Variants in STOX2 observed in about 807,000 individuals in gnomAD.
The protein encoded by STOX2 is storkhead-box protein 2.
STOX2 carries 28 observed loss-of-function variants against 60.9 expected under a neutral mutation model. The observed-to-expected ratio is 0.46, with a 90% confidence interval of 0.34 to 0.63. STOX2 has a LOEUF of 0.63. Ranked by LOEUF, STOX2 falls within the 30% of genes least tolerant of loss-of-function variation. The pLI is 0.01. For missense variants in STOX2, 1,024 were observed against 1,187.7 expected (o/e 0.86, Z 2.03); for synonymous variants, 472 against 463.9 (o/e 1.02, Z -0.22).
chr4:183,895,456 A>G lies in STOX2; in HGVS notation c.364+97401A>G, dbSNP rs1375200035. The stretch of plus-strand genomic sequence containing the variant: ...ATTGAGGGCCTATTTTTTGAAAGGC[A>G]CTAGGCATAAAATGATTATAAAGTG... On this transcript the variant is annotated intron_variant, in intron 1 of 2. Transcript: ENST00000513034. Among the ~76,000 whole-genome samples, 3 of 152,178 alleles carry G rather than the reference A, an allele frequency of 2.0e-5. No homozygotes were observed. In the South Asian group the frequency reaches 6.2e-4, roughly 31 times the overall value.
chr4:183,902,960 A>G (rs1036896311), upstream of STOX2, among the ~76,000 whole-genome samples: 1 of 152,176 alleles, frequency 6.6e-6, no homozygotes, highest in African/African-American at 2.4e-5. Flanking sequence ...CTTCTCCCCA[A>G]ATGTCCATCA....
intron 2 of STOX2, among the ~76,000 whole-genome samples, chr4:184,005,303 A>C (rs1043996297): frequency 6.6e-6 from 1 of 152,118 alleles, no homozygotes; most frequent in Non-Finnish European, 1.5e-5. Context: ...CTACTAAAAA[A>C]TACAAAAATT....
In STOX2 at chr4:183,905,842, G is replaced by C. The variant is rs1741579298; in HGVS notation, c.-949G>C. 6.6e-6 allele frequency: 1 copy of C among 152,218 alleles called. No homozygotes were observed. Among genetic ancestry groups the C allele is most frequent in the Non-Finnish European group, 1.5e-5 (1 of 68,094 alleles). 9.4% of individuals were successfully genotyped at this position (152,218 alleles called of 1,614,324 possible). A position where few individuals can be genotyped will look rare whatever the true frequency, so the allele number is the denominator to read the frequency against. On this transcript the variant is annotated 5_prime_UTR_variant, in exon 1 of 4. Coordinates refer to ENST00000308497, the MANE Select transcript of STOX2 (RefSeq NM_020225.3). ...CCGGAGCAGCGCTGCCGCCGCGCGG[G>C]GGTCGATCGCAGGCTCGGCGTCCTT...
chr4:183,950,408 CAGA>C (rs1157622721), intron 1 of STOX2, among the ~76,000 whole-genome samples: 1 of 152,106 alleles, frequency 6.6e-6, no homozygotes, highest in Non-Finnish European at 1.5e-5. Context: ...CTAGGAGGTT[CAGA>C]AGAAGGGGAC....
intron 1 of STOX2, among the ~76,000 whole-genome samples, chr4:183,950,554 A>G (rs1215963578): frequency 1.3e-5 from 2 of 152,212 alleles, no homozygotes; most frequent in African/African-American, 4.8e-5. Context: ...ACAGTGCCCC[A>G]GGAAGCCACT....
rs953329532 is a variant in STOX2, at chr4:183,832,410, A to T, written c.364+34355A>T. 2.6e-5 allele frequency among the ~76,000 whole-genome samples: 4 copies of T among 151,924 alleles called. No individual in the cohort carries two copies. The East Asian group carries it at 7.7e-4, about 29-fold the overall frequency. ...AGAAGACTCTTGAAATTATCTAAGGAATGTAATACTTCATCCAGTTTTTTA... is the reference window on the plus strand; with the variant it reads ...AGAAGACTCTTGAAATTATCTAAGGTATGTAATACTTCATCCAGTTTTTTA... On this transcript the variant is annotated intron_variant, in intron 1 of 2. Coordinates refer to the STOX2 transcript ENST00000513034.
chr4:183,858,799 T>A (rs752536503), intron 1 of STOX2, among the ~76,000 whole-genome samples: 5 of 152,254 alleles, frequency 3.3e-5, no homozygotes, highest in Non-Finnish European at 7.3e-5. Context: ...GTAGTCGACT[T>A]CTTTATACTT....
rs965236264 is a variant in STOX2, at chr4:183,806,413, G to A, written c.364+8358G>A. On this transcript the variant is annotated intron_variant, in intron 1 of 2. Transcript: ENST00000513034. This position sits in a 1 kb window ranked among gnomAD's most constrained non-coding sequence, Gnocchi z 4.1. ...CCTTCTCATGAATCCGGGAGTCCCT[G>A]GAGCTCACGGAGGGCTTCCTGGTGT... 5.3e-5 allele frequency among the ~76,000 whole-genome samples: 8 copies of A among 152,228 alleles called. No individual in the cohort carries two copies. Among genetic ancestry groups the A allele is most frequent in the African/African-American group, 1.7e-4 (7 of 41,536 alleles).
Position 183,906,925 on chromosome 4 carries a change from G to A in STOX2, c.135G>A (p.Ala45=), listed in dbSNP as rs935833213. ...ACAAGCGTTTCCCCGCGGCCTTCGCGCCCCAGGCTTCGCGGGGCTACATGA... is the reference window on the plus strand; with the variant it reads ...ACAAGCGTTTCCCCGCGGCCTTCGCACCCCAGGCTTCGCGGGGCTACATGA... ...RLHKRFPAAF[A]PQASRGYMTS... Residue 45 remains alanine (A), a synonymous_variant, in exon 1 of 4, where the codon GCG becomes GCA. Transcript: ENST00000308497. 6 of 1,549,028 alleles carry A rather than the reference G, an allele frequency of 3.9e-6. No individual in the cohort carries two copies. In the African/African-American group the frequency reaches 8.2e-5, roughly 21 times the overall value.
chr4:183,907,520 T>C (rs1741655390), intron 1 of STOX2, among the ~76,000 whole-genome samples: 1 of 152,192 alleles, frequency 6.6e-6, no homozygotes, highest in Non-Finnish European at 1.5e-5. Context: ...AATGCTCACA[T>C]GATTCTGTGT....
At position 183,906,883 on chromosome 4, in the gene STOX2, G is replaced by A; in HGVS notation, c.93G>A (p.Glu31=). 6.4e-7 allele frequency: 1 copy of A among 1,551,198 alleles called. No homozygotes were observed. Among genetic ancestry groups the A allele is most frequent in the Non-Finnish European group, 8.7e-7 (1 of 1,146,860 alleles). The change falls in exon 1 of 4, where the codon GAG becomes GAA. Residue 31 remains glutamate, a synonymous_variant. Transcript: ENST00000308497. ...CGGACCGCATGAGGTCCCGCAGCGAGAAGGACTACCGCCTGCACAAGCGTT... is the reference window on the plus strand; with the variant it reads ...CGGACCGCATGAGGTCCCGCAGCGAAAAGGACTACCGCCTGCACAAGCGTT... ...RASDRMRSRS[E]KDYRLHKRFP...
At chr4:183,985,142 C>T (rs1732792784) in intron 1 of STOX2, among the ~76,000 whole-genome samples, 1 of 152,100 alleles carries the variant, frequency 6.6e-6, no homozygotes, top group Non-Finnish European at 1.5e-5. Flanking sequence ...CTACGGGAGA[C>T]CCCACTTGTG....
At chr4:183,798,173 G>C (rs1193238366) in intron 1 of STOX2, 19 of 1,007,568 alleles carry the variant, frequency 1.9e-5, no homozygotes, top group African/African-American at 1.2e-4. Context: ...AGGCTCCCCT[G>C]GGTGCCCGCG....
chr4:183,945,266 G>C (rs774360260), intron 1 of STOX2, among the ~76,000 whole-genome samples: 1 of 152,174 alleles, frequency 6.6e-6, no homozygotes, highest in South Asian at 2.1e-4. Context: ...GAGAATTTCA[G>C]TTGCAGAATT....
chr4:183,995,620 C>T (rs1471704684), intron 1 of STOX2, among the ~76,000 whole-genome samples: 1 of 152,146 alleles, frequency 6.6e-6, no homozygotes, highest in Non-Finnish European at 1.5e-5. Context: ...GTCCGTTGTG[C>T]GAGTGATTTT....
chr4:183,939,228 A>G (rs1390920275), intron 1 of STOX2, among the ~76,000 whole-genome samples: 2 of 152,194 alleles, frequency 1.3e-5, no homozygotes, highest in African/African-American at 2.4e-5. Context: ...ATTCTCTCAC[A>G]GTTCTGGAGC....
rs12649546 is a variant in STOX2 at position 183,886,182 on chromosome 4, C to A, written c.364+88127C>A. Among the ~76,000 whole-genome samples, 341 of 36,514 alleles carry A rather than the reference C, an allele frequency of 9.3e-3. 95 individuals carry two copies. The highest frequency in any genetic ancestry group is 0.018 in the Admixed American group (45 of 2,514). 24.0% of individuals were successfully genotyped at this position (36,514 alleles called of 152,430 possible). On this transcript the variant is annotated intron_variant, in intron 1 of 2. Coordinates refer to the STOX2 transcript ENST00000513034. ...TGCAAGATCAGGAGGGTGAAGGTTC[C>A]GATGGTTGCTGGATGGTGTAGGCAG...
intron 1 of STOX2, among the ~76,000 whole-genome samples, chr4:183,990,161 A>G (rs1159739738): frequency 6.6e-6 from 1 of 152,128 alleles, no homozygotes; most frequent in East Asian, 1.9e-4. Context: ...GTCAGAAAAA[A>G]CACAAGCATG....
intron 1 of STOX2, among the ~76,000 whole-genome samples, chr4:183,946,252 G>A (rs747783840): frequency 2.7e-4 from 41 of 152,178 alleles, no homozygotes; most frequent in Admixed American, 2.0e-4. Flanking sequence ...TTTGCTGTGC[G>A]ACTTCAGGCA....
Sources: gnomAD v4.1 joint callset for allele counts (sites outside exome capture counted in the v4.1 genomes callset) on GRCh38, gnomAD v4.1.1 for gene constraint, Gnocchi (gnomAD v3.1) non-coding constraint, MANE v1.5 for transcripts, NCBI Gene and HGNC (gene_info 2026-07-23, HGNC 2026-07-21) for gene names.